Variants in PTPN4 observed in about 807,000 individuals in gnomAD.
PTPN4 encodes tyrosine-protein phosphatase non-receptor type 4.
A neutral mutation model predicts 135.5 loss-of-function variants in PTPN4; 49 were observed. The ratio of observed to expected loss-of-function variants is 0.36; its 90% CI spans 0.29 to 0.46. PTPN4 has a LOEUF of 0.46. Among genes scored for constraint, PTPN4 ranks in the 20% least tolerant of loss-of-function variants. The probability of loss-of-function intolerance (pLI) is 1.00; values close to 1 mark genes in which losing one functional copy is unlikely to be tolerated. For missense variants in PTPN4, 860 were observed against 1,101.0 expected (o/e 0.78, Z 3.10); for synonymous variants, 333 against 369.9 (o/e 0.90, Z 1.14).
intron 12 of PTPN4, among the ~76,000 whole-genome samples, chr2:119,924,690 A>C (rs1678794035): frequency 6.6e-6 from 1 of 150,946 alleles, no homozygotes; most frequent in African/African-American, 2.5e-5. Context: ...ACAATATGAA[A>C]TATAAGCCTT....
In PTPN4 at chr2:119,962,535, TAAA is replaced by T. The variant is rs982432205; in HGVS notation, c.2281-76_2281-74del. 4 of 869,834 alleles carry T rather than the reference TAAA, an allele frequency of 4.6e-6. No individual in the cohort carries two copies. In the African/African-American group the frequency reaches 7.1e-5, roughly 15 times the overall value. The allele number at this position is 869,834 out of a possible 1,614,324, so 53.9% of individuals were successfully genotyped here. A position where few individuals can be genotyped will look rare whatever the true frequency, so the allele number is the denominator to read the frequency against. ...TAACTTTTATATGTTTGAAATTTAT[TAAA>T]AAAACATTTTTAAAAATTGGAGAAC... On this transcript the variant is annotated intron_variant, in intron 23 of 26. Transcript: ENST00000263708.
chr2:119,795,517 T>G (rs1691238334), intron 1 of PTPN4, among the ~76,000 whole-genome samples: 1 of 152,234 alleles, frequency 6.6e-6, no homozygotes, highest in Admixed American at 6.5e-5. Flanking sequence ...GCTTCTGGTG[T>G]GTGCATACCT....
chr2:119,781,464 C>T (rs1371304647), intron 1 of PTPN4, among the ~76,000 whole-genome samples: 6 of 152,066 alleles, frequency 3.9e-5, no homozygotes, highest in African/African-American at 7.2e-5. Flanking sequence ...TTGTTCAATC[C>T]TATAATAGAC....
intron 3 of PTPN4, among the ~76,000 whole-genome samples, chr2:119,868,774 A>G (rs1018193117): frequency 1.3e-5 from 2 of 152,198 alleles, no homozygotes; most frequent in African/African-American, 2.4e-5. Flanking sequence ...TTGATTTAAT[A>G]TCTATAGAAA....
chr2:119,967,314 T>A (rs757501991), intron 25 of PTPN4, among the ~76,000 whole-genome samples: 6 of 151,992 alleles, frequency 3.9e-5, no homozygotes, highest in Non-Finnish European at 8.8e-5. Flanking sequence ...CCAGGTGTGG[T>A]GGTGCACGTC....
At chr2:119,778,796 G>A (rs1351176825) in intron 1 of PTPN4, among the ~76,000 whole-genome samples, 2 of 152,156 alleles carry the variant, frequency 1.3e-5, no homozygotes, top group African/African-American at 4.8e-5. Context: ...TAACAATTGA[G>A]TAGAGGACAT....
chr2:119,825,247 A>G (rs1203679358), intron 2 of PTPN4, among the ~76,000 whole-genome samples: 1 of 152,140 alleles, frequency 6.6e-6, no homozygotes, highest in Non-Finnish European at 1.5e-5. Flanking sequence ...TATCCAGATT[A>G]ATATTACCGT....
rs559141203 is a variant in PTPN4 at position 119,860,770 on chromosome 2, G to A, written c.139-1766G>A. Among the ~76,000 whole-genome samples, 23 of 152,256 alleles carry A rather than the reference G, an allele frequency of 1.5e-4. No individual in the cohort carries two copies. The East Asian group carries it at 3.9e-3, about 26-fold the overall frequency. Reference sequence around the variant, plus strand: ...AAAAGAGGTTTATTGGCTAGGCGCGGTGGCTCACATCTGTAATCCCAGCAC... The same window carrying A: ...AAAAGAGGTTTATTGGCTAGGCGCGATGGCTCACATCTGTAATCCCAGCAC... On this transcript the variant is annotated intron_variant, in intron 2 of 26. Coordinates refer to ENST00000263708, the MANE Select transcript of PTPN4 (RefSeq NM_002830.4).
chr2:119,966,999 T>C (rs969922007), intron 25 of PTPN4, among the ~76,000 whole-genome samples: 1 of 152,208 alleles, frequency 6.6e-6, no homozygotes, highest in African/African-American at 2.4e-5. Context: ...GAGTTTCAAA[T>C]CTTCAAAACA....
At chr2:119,955,760 AC>A (rs1163805045) in intron 20 of PTPN4, among the ~76,000 whole-genome samples, 11 of 152,036 alleles carry the variant, frequency 7.2e-5, no homozygotes, top group African/African-American at 2.4e-4. Context: ...ACACGGTGAA[AC>A]CCCGTCTCTA....
At chr2:119,947,372 T>C (rs1031043241) in intron 18 of PTPN4, among the ~76,000 whole-genome samples, 3 of 152,188 alleles carry the variant, frequency 2.0e-5, no homozygotes, top group Non-Finnish European at 4.4e-5. Flanking sequence ...ACAATTGAGA[T>C]TGATCAAGGA....
chr2:119,837,037 C>A (rs1677305335), intron 2 of PTPN4, among the ~76,000 whole-genome samples: 1 of 152,194 alleles, frequency 6.6e-6, no homozygotes, highest in Non-Finnish European at 1.5e-5. Flanking sequence ...CCGGTGAAGC[C>A]CCACCTTCAA....
intron 1 of PTPN4, among the ~76,000 whole-genome samples, chr2:119,766,105 C>A (rs1306234326): frequency 6.6e-6 from 1 of 152,104 alleles, no homozygotes; most frequent in Admixed American, 6.5e-5. Context: ...TTAATGGGAC[C>A]TGGGCATATC....
intron 3 of PTPN4, among the ~76,000 whole-genome samples, chr2:119,868,735 C>G (rs1677867776): frequency 6.6e-6 from 1 of 152,200 alleles, no homozygotes; most frequent in Non-Finnish European, 1.5e-5. Flanking sequence ...TCGGCCCATC[C>G]CTTCGTTTCC....
At chr2:119,964,009 C>T (rs541837097) in intron 24 of PTPN4, among the ~76,000 whole-genome samples, 37 of 152,106 alleles carry the variant, frequency 2.4e-4, no homozygotes, top group Non-Finnish European at 4.4e-4. Flanking sequence ...AAAATGAGTT[C>T]GCTCCCATAA....
At chr2:119,774,779 C>T (rs940750057) in intron 1 of PTPN4, among the ~76,000 whole-genome samples, 1 of 152,132 alleles carries the variant, frequency 6.6e-6, no homozygotes, top group Non-Finnish European at 1.5e-5. Context: ...ATAATCCCAG[C>T]ACTTTGGGAG....
At chr2:119,830,993 C>G (rs1457258785) in intron 2 of PTPN4, among the ~76,000 whole-genome samples, 1 of 152,128 alleles carries the variant, frequency 6.6e-6, no homozygotes, top group Non-Finnish European at 1.5e-5. Flanking sequence ...TACAATAATT[C>G]AGCAGTACCC....
In PTPN4 at chr2:119,900,739, A is replaced by G. The variant is rs1259590189; in HGVS notation, c.697A>G (p.Met233Val). ...YARDQSNNEI[M>V]IGVMSGGILI... ...GAAGGATCAGAGTAACAATGAAATT[A>G]TGATTGGAGTGATGTCAGGAGGAAT... The change falls in exon 10 of 27, where the codon ATG becomes GTG. Residue 233 changes from methionine to valine, a missense_variant. Coordinates refer to ENST00000263708, the MANE Select transcript of PTPN4 (RefSeq NM_002830.4). 2 of 1,580,178 alleles carry G rather than the reference A, an allele frequency of 1.3e-6. No individual in the cohort carries two copies. Among genetic ancestry groups the G allele is most frequent in the South Asian group, 1.2e-5 (1 of 84,644 alleles).
intron 9 of PTPN4, 115 bp from the exon 10 acceptor site, chr2:119,900,603 G>T: frequency 5.3e-6 from 3 of 566,890 alleles, no homozygotes; most frequent in Admixed American, 3.7e-5. Flanking sequence ...TCGGTTCTTT[G>T]CAACCTTTGA....
Sources: allele counts gnomAD v4.1 joint callset (sites outside exome capture counted in the v4.1 genomes callset), GRCh38; gene constraint gnomAD v4.1.1; transcripts MANE v1.5; gene names NCBI Gene and HGNC (gene_info 2026-07-23, HGNC 2026-07-21).